Variants in ARFGEF3 observed in about 807,000 individuals in gnomAD.
The protein encoded by ARFGEF3 is brefeldin A-inhibited guanine nucleotide-exchange protein 3.
Under a neutral mutation model 221.7 loss-of-function variants are expected in ARFGEF3, and 96 were observed. That is an observed-to-expected ratio of 0.43 (90% confidence interval 0.37 to 0.51). ARFGEF3 has a LOEUF of 0.51. Ranked by LOEUF, ARFGEF3 falls within the 20% of genes least tolerant of loss-of-function variation. ARFGEF3 has a pLI of 0.00. For missense variants in ARFGEF3, 2,410 were observed against 2,789.9 expected (o/e 0.86, Z 3.07); for synonymous variants, 1,145 against 1,126.8 (o/e 1.02, Z -0.32).
chr6:138,307,473 AT>A, intron 23 of ARFGEF3, 76 bp downstream of exon 23: 8 of 1,142,996 alleles, frequency 7.0e-6, no homozygotes, highest in Admixed American at 2.0e-5. Context: ...AAAAAAAAAA[AT>A]TGAACAATAG....
At chr6:138,183,464 T>C (rs77797905) in intron 2 of ARFGEF3, among the ~76,000 whole-genome samples, 2,068 of 152,292 alleles carry the variant, frequency 0.014, 31 homozygotes, top group Middle Eastern at 0.058. Flanking sequence ...TGCCTCGCTG[T>C]GTTCAGTTCT....
At chr6:138,211,364 A>G (rs1031097661) in intron 4 of ARFGEF3, among the ~76,000 whole-genome samples, 15 of 152,178 alleles carry the variant, frequency 9.9e-5, no homozygotes, top group Admixed American at 9.2e-4. Context: ...TTAGGATCTC[A>G]TTCATCTTTA....
intron 5 of ARFGEF3, among the ~76,000 whole-genome samples, chr6:138,233,315 G>A (rs1360736701): frequency 4.0e-5 from 6 of 151,646 alleles, no homozygotes; most frequent in Non-Finnish European, 8.8e-5. Context: ...AACAGTTCTA[G>A]TTGTCACTAA....
At chr6:138,276,070 A>G (rs1583044550) in intron 12 of ARFGEF3, among the ~76,000 whole-genome samples, 1 of 152,196 alleles carries the variant, frequency 6.6e-6, no homozygotes, top group Non-Finnish European at 1.5e-5. Context: ...TGGCGCATTC[A>G]TTGAAAATCT....
intron 8 of ARFGEF3, among the ~76,000 whole-genome samples, chr6:138,247,083 C>T (rs540224645): frequency 9.2e-5 from 14 of 152,276 alleles, no homozygotes; most frequent in South Asian, 2.1e-4. Context: ...TCCCTACCCC[C>T]ACCCTCAAAT....
At chr6:138,317,678 A>G (rs9495012) in intron 27 of ARFGEF3, among the ~76,000 whole-genome samples, 25,797 of 152,058 alleles carry the variant, frequency 0.17, 2,497 homozygotes, top group South Asian at 0.29. Flanking sequence ...GTCTCCAAGA[A>G]CCATTTGGCT....
rs1446180602 is a variant in ARFGEF3 at position 138,200,800 on chromosome 6, G to A, written c.138-6242G>A. Among the ~76,000 whole-genome samples, 12 of 152,222 alleles carry A rather than the reference G, an allele frequency of 7.9e-5. No individual in the cohort carries two copies. In the East Asian group the frequency reaches 1.9e-3, roughly 24 times the overall value. On this transcript the variant is annotated intron_variant, in intron 2 of 33. Coordinates refer to ENST00000251691, the MANE Select transcript of ARFGEF3 (RefSeq NM_020340.5). ...CATGACCAAAAACCCAAAAGCAAAT[G>A]CAATAAAAACAAAGAAAAATAGCTG... is the stretch of plus-strand genomic sequence containing the variant.
At chr6:138,173,071 GA>G (rs1283758074) in intron 2 of ARFGEF3, among the ~76,000 whole-genome samples, 1 of 152,146 alleles carries the variant, frequency 6.6e-6, no homozygotes, top group East Asian at 1.9e-4. Flanking sequence ...AATGTTTGGG[GA>G]AAATGGAATG....
intron 12 of ARFGEF3, among the ~76,000 whole-genome samples, chr6:138,272,405 C>G (rs1779020250): frequency 1.3e-5 from 2 of 152,192 alleles, no homozygotes; most frequent in Admixed American, 1.3e-4. Flanking sequence ...AATCCATTCA[C>G]CTTGGCCTCC....
chr6:138,305,587 T>C (rs1235865988), intron 22 of ARFGEF3, among the ~76,000 whole-genome samples: 2 of 138,804 alleles, frequency 1.4e-5, no homozygotes, highest in Non-Finnish European at 3.0e-5. Context: ...CATTCCAGCC[T>C]GGACAACAGA....
chr6:138,229,562 G>A (rs1451380561), intron 4 of ARFGEF3, among the ~76,000 whole-genome samples: 1 of 152,194 alleles, frequency 6.6e-6, no homozygotes, highest in East Asian at 1.9e-4. Flanking sequence ...CTTTCCATGG[G>A]GAGAGATTAG....
At chr6:138,218,572 G>C in intron 4 of ARFGEF3, 1 of 1,122,282 alleles carries the variant, frequency 8.9e-7, no homozygotes. Flanking sequence ...CATCCTACGA[G>C]GTAGAGTTTT....
intron 2 of ARFGEF3, among the ~76,000 whole-genome samples, chr6:138,197,211 G>T (rs1777444805): frequency 6.6e-6 from 1 of 152,114 alleles, no homozygotes; most frequent in Admixed American, 6.5e-5. Context: ...ACCTACACAG[G>T]GTCAGGATCA....
At chr6:138,309,541 C>T (rs1779788151) in intron 24 of ARFGEF3, among the ~76,000 whole-genome samples, 1 of 152,154 alleles carries the variant, frequency 6.6e-6, no homozygotes, top group African/African-American at 2.4e-5. Context: ...GAATAGGTTT[C>T]TGCATAAGGG....
intron 29 of ARFGEF3, among the ~76,000 whole-genome samples, chr6:138,323,031 A>G (rs536631022): frequency 9.8e-4 from 148 of 151,688 alleles, no homozygotes; most frequent in Non-Finnish European, 1.5e-3. Context: ...CATTGAGATA[A>G]GAGTTTGGGG....
chr6:138,312,749 G>A (rs1779852154), intron 25 of ARFGEF3, among the ~76,000 whole-genome samples: 1 of 152,092 alleles, frequency 6.6e-6, no homozygotes, highest in Non-Finnish European at 1.5e-5. Context: ...TTGCTCTGTT[G>A]CCCAGGCTGG....
chr6:138,256,887 T>C (rs1778693450), intron 10 of ARFGEF3, among the ~76,000 whole-genome samples: 1 of 152,180 alleles, frequency 6.6e-6, no homozygotes, highest in East Asian at 1.9e-4. Flanking sequence ...TATGTTCAAG[T>C]GTTCCTCCTA....
chr6:138,170,756 C>T (rs1397052054), intron 2 of ARFGEF3, 43 bp downstream of exon 2: 2 of 1,156,502 alleles, frequency 1.7e-6, no homozygotes, highest in South Asian at 2.5e-5. Flanking sequence ...GTCAATATTA[C>T]CCACTGAAGG....
At chr6:138,175,052 C>A (rs9484124) in intron 2 of ARFGEF3, among the ~76,000 whole-genome samples, 15,900 of 152,122 alleles carry the variant, frequency 0.1, 1,592 homozygotes, top group African/African-American at 0.27. Flanking sequence ...TATTGATGAT[C>A]AAACATATTA....
Sources: allele counts gnomAD v4.1 joint callset (sites outside exome capture counted in the v4.1 genomes callset), GRCh38; gene constraint gnomAD v4.1.1; transcripts MANE v1.5; gene names NCBI Gene and HGNC (gene_info 2026-07-23, HGNC 2026-07-21).